Variants in KPNA6 observed in about 807,000 individuals in gnomAD.
KPNA6 encodes the protein karyopherin subunit alpha 6.
A neutral mutation model predicts 72.0 loss-of-function variants in KPNA6; 9 were observed. That is an observed-to-expected ratio of 0.13 (90% CI 0.08 to 0.22). KPNA6 has a LOEUF of 0.22. Among genes scored for constraint, KPNA6 ranks in the 10% least tolerant of loss-of-function variants. The pLI is 1.00. For synonymous variants in KPNA6, 219 were observed against 242.1 expected (o/e 0.90, Z 0.89); for missense variants, 374 against 655.7 (o/e 0.57, Z 4.69).
intron 4 of KPNA6, among the ~76,000 whole-genome samples, chr1:32,157,999 G>C (rs868388691): frequency 4.6e-5 from 7 of 152,262 alleles, no homozygotes; most frequent in African/African-American, 1.7e-4. Context: ...CCCTTAGGTG[G>C]TTCTCTCTCC....
chr1:32,170,123 A>G (rs764259159), intron 13 of KPNA6, 63 bp downstream of exon 13: 19 of 1,445,422 alleles, frequency 1.3e-5, no homozygotes, highest in Admixed American at 1.8e-5. Context: ...CGTGGTATAC[A>G]TATGTTGGTG....
chr1:32,150,625 T>A (rs115182283), intron 1 of KPNA6, among the ~76,000 whole-genome samples: 1,900 of 152,100 alleles, frequency 0.012, 37 homozygotes, highest in African/African-American at 0.043. Context: ...TGTATAGTAC[T>A]TTTTGTTGTT....
At chr1:32,149,386 A>G (rs1395625017) in intron 1 of KPNA6, among the ~76,000 whole-genome samples, 1 of 151,982 alleles carries the variant, frequency 6.6e-6, no homozygotes, top group Non-Finnish European at 1.5e-5. Flanking sequence ...ATGGTTTCCT[A>G]TTTTTATAAA....
intron 1 of KPNA6, among the ~76,000 whole-genome samples, chr1:32,147,528 GC>G (rs1405932628): frequency 6.6e-6 from 1 of 151,800 alleles, no homozygotes; most frequent in Non-Finnish European, 1.5e-5. Context: ...GAACTCCTGG[GC>G]TCAAGTAATC....
intron 1 of KPNA6, among the ~76,000 whole-genome samples, chr1:32,121,401 G>T (rs1411280081): frequency 6.6e-6 from 1 of 152,180 alleles, no homozygotes; most frequent in African/African-American, 2.4e-5. Context: ...TGTGCATTTT[G>T]AGGATTCTCT....
chr1:32,172,830 T>A lies in KPNA6; in HGVS notation c.*1936T>A. 3.1e-5 allele frequency: 9 copies of A among 286,220 alleles called. No individual in the cohort carries two copies. Among genetic ancestry groups the A allele is most frequent in the South Asian group, 1.7e-4 (1 of 5,922 alleles). 17.7% of individuals were successfully genotyped at this position (286,220 alleles called of 1,614,324 possible). ...TTTTCCTTCCTCTGAAACAATGCCATTCTTGCTTCTATTGCTACACATCTC... is the reference window on the plus strand; with the variant it reads ...TTTTCCTTCCTCTGAAACAATGCCAATCTTGCTTCTATTGCTACACATCTC... On this transcript the variant is annotated 3_prime_UTR_variant, in exon 14 of 14. Coordinates refer to ENST00000373625, the MANE Select transcript of KPNA6 (RefSeq NM_012316.5).
chr1:32,119,032 A>T (rs12401389), intron 1 of KPNA6, among the ~76,000 whole-genome samples: 18,185 of 40,508 alleles, frequency 0.45, 5,055 homozygotes, highest in African/African-American at 0.51. Context: ...ATATATATAT[A>T]TTTTTTTTTT....
chr1:32,156,945 G>A lies in KPNA6; in HGVS notation c.231G>A (p.Gly77=). 1 of 1,611,752 alleles carries A rather than the reference G, an allele frequency of 6.2e-7. No individual in the cohort carries two copies. Among genetic ancestry groups the A allele is most frequent in the Non-Finnish European group, 8.5e-7 (1 of 1,178,124 alleles). The change falls in exon 3 of 14, where the codon GGG becomes GGA. Residue 77 remains glycine, a splice_region_variant and synonymous_variant. Transcript: ENST00000373625. ...LMDSYVSSTT[G]ESVITREMVE... The stretch of plus-strand genomic sequence containing the variant: ...ACTCTTATGTGAGCTCTACCACTGG[G>A]GTAAGGCCCCTGCATGTGCCTCAGG...
chr1:32,113,178 C>G (rs1641269070), intron 1 of KPNA6, among the ~76,000 whole-genome samples: 1 of 152,052 alleles, frequency 6.6e-6, no homozygotes, highest in Admixed American at 6.6e-5. Context: ...ACTGCTTGAG[C>G]TCAAGAGTTT....
At position 32,154,700 on chromosome 1, in the gene KPNA6, G is replaced by C; in HGVS notation, c.117G>C (p.Arg39=). 6.2e-7 allele frequency: 1 copy of C among 1,614,076 alleles called. No individual in the cohort carries two copies. The highest frequency in any genetic ancestry group is 8.5e-7 in the Non-Finnish European group (1 of 1,179,994). ...RRREEEGIQL[R]KQKREQQLFK... Reference sequence around the variant, plus strand: ...GAGAGGAAGAGGGCATTCAGCTCCGGAAGCAGAAGCGAGAGCAACAAGTGA... The same window carrying C: ...GAGAGGAAGAGGGCATTCAGCTCCGCAAGCAGAAGCGAGAGCAACAAGTGA... The change falls in exon 2 of 14, where the codon CGG becomes CGC. Residue 39 remains arginine (R), a synonymous_variant. Transcript: ENST00000373625.
chr1:32,149,227 C>T (rs1258499936), intron 1 of KPNA6, among the ~76,000 whole-genome samples: 1 of 151,792 alleles, frequency 6.6e-6, no homozygotes, highest in African/African-American at 2.4e-5. Context: ...TAATTTCTTT[C>T]TTTTTATTGA....
At chr1:32,130,220 A>ATT (rs1491090442) in intron 1 of KPNA6, among the ~76,000 whole-genome samples, 22 of 138,574 alleles carry the variant, frequency 1.6e-4, no homozygotes, top group African/African-American at 5.7e-4. Flanking sequence ...TAGTAGATAA[A>ATT]TATTTTTTTT....
intron 2 of KPNA6, among the ~76,000 whole-genome samples, chr1:32,156,266 C>T (rs1337685039): frequency 6.6e-6 from 1 of 152,066 alleles, no homozygotes; most frequent in African/African-American, 2.4e-5. Flanking sequence ...CATTCCAGGA[C>T]CCACAGTGGA....
intron 1 of KPNA6, among the ~76,000 whole-genome samples, chr1:32,133,463 T>C (rs1490603436): frequency 1.4e-5 from 2 of 140,272 alleles, no homozygotes; most frequent in Non-Finnish European, 3.0e-5. Flanking sequence ...GAGGATCACT[T>C]GAGCCAAGGA....
intron 1 of KPNA6, among the ~76,000 whole-genome samples, chr1:32,151,539 C>CA (rs1642033045): frequency 6.6e-6 from 1 of 152,086 alleles, no homozygotes. Context: ...AATGCTGTCT[C>CA]AGTGTTTTCA....
Position 32,157,438 on chromosome 1 carries a change from C to T in KPNA6, c.324C>T (p.Leu108=). The change falls in exon 4 of 14, where the codon CTC becomes CTT. Residue 108 remains leucine (L), a synonymous_variant. Coordinates refer to ENST00000373625, the MANE Select transcript of KPNA6 (RefSeq NM_012316.5). ...LATTQKFRKL[L]SKEPSPPIDE... is the part of the protein sequence containing the mutation. ...CCACACAGAAATTCCGGAAACTGCT[C>T]TCCAAAGGTACAAAGCCTGGCCCTT... The T allele has an allele frequency of 1.2e-6, 2 of 1,611,956 alleles. 1 individual carries two copies. Among genetic ancestry groups the T allele is most frequent in the South Asian group, 2.2e-5 (2 of 91,022 alleles).
At chr1:32,135,023 A>G (rs367638206) in intron 1 of KPNA6, among the ~76,000 whole-genome samples, 2 of 151,310 alleles carry the variant, frequency 1.3e-5, no homozygotes, top group East Asian at 3.9e-4. Context: ...TTCCTGCCTC[A>G]GCCTCCTGAG....
chr1:32,115,324 G>A (rs1022788647), intron 1 of KPNA6, among the ~76,000 whole-genome samples: 1 of 151,918 alleles, frequency 6.6e-6, no homozygotes, highest in African/African-American at 2.4e-5. Context: ...ATTTTTAGTA[G>A]AGATGGGATT....
rs377121386 is a variant in KPNA6 at position 32,167,204 on chromosome 1, C to G, written c.1152C>G (p.Ile384Met). ...VIDANIFPVL[I>M]EILQKAEFRT... ...ATGCAAATATCTTCCCTGTGTTGATCGAAATCCTTCAGAAAGCAGAGTTTC... is the reference window on the plus strand; with the variant it reads ...ATGCAAATATCTTCCCTGTGTTGATGGAAATCCTTCAGAAAGCAGAGTTTC... The change falls in exon 12 of 14, where the codon ATC becomes ATG. Residue 384 changes from isoleucine to methionine, a missense_variant. By Grantham distance (10) the Ile-to-Met change is conservative. Around this residue, in one of 3 missense-constraint regions of KPNA6, gnomAD observed 298 missense variants for 495.4 expected, o/e 0.60. Coordinates refer to ENST00000373625, the MANE Select transcript of KPNA6 (RefSeq NM_012316.5). The G allele has an allele frequency of 1.9e-6, 3 of 1,613,894 alleles. No individual in the cohort carries two copies. The highest frequency in any genetic ancestry group is 1.7e-6 in the Non-Finnish European group (2 of 1,179,974).
Sources: gnomAD v4.1 joint callset for allele counts (sites outside exome capture counted in the v4.1 genomes callset) on GRCh38, gnomAD v4.1.1 for gene constraint, gnomAD v4.1.1 regional missense constraint, MANE v1.5 for transcripts, NCBI Gene and HGNC (gene_info 2026-07-23, HGNC 2026-07-21) for gene names.